COBLL1: variants seen among roughly 807,000 people sequenced by gnomAD.
COBLL1 encodes the protein cordon-bleu protein-like 1.
A neutral mutation model predicts 94.8 loss-of-function variants in COBLL1; 50 were observed. That is an observed-to-expected ratio of 0.53 (90% CI 0.42 to 0.67). COBLL1 has a LOEUF of 0.67. COBLL1 is among the 30% of genes least tolerant of loss of function. The pLI is 0.00. For missense variants in COBLL1, 1,362 were observed against 1,348.7 expected, an observed-to-expected ratio of 1.01 and a Z score of -0.15; for synonymous variants, 448 against 473.8, an observed-to-expected ratio of 0.95 and a Z score of 0.71.
chr2:164,718,980 C>G (rs1200174181), intron 7 of COBLL1, among the ~76,000 whole-genome samples: 1 of 150,670 alleles, frequency 6.6e-6, no homozygotes, highest in Non-Finnish European at 1.5e-5. Context: ...TCTTGGATGC[C>G]CAGAAAAATG....
chr2:164,802,730 T>C (rs1257621558), intron 2 of COBLL1, among the ~76,000 whole-genome samples: 3 of 152,218 alleles, frequency 2.0e-5, no homozygotes, highest in African/African-American at 4.8e-5. Context: ...GAAGTATCAG[T>C]ATTTTGATAC....
chr2:164,811,567 A>G (rs1244647557), intron 2 of COBLL1, among the ~76,000 whole-genome samples: 1 of 151,946 alleles, frequency 6.6e-6, no homozygotes, highest in Non-Finnish European at 1.5e-5. Context: ...AGCATTCTAT[A>G]TTGGATTCCA....
At chr2:164,742,869 GAGCGAGCGAGCGAGCTAAGGTCAAAAC>G (rs1389748343) in intron 3 of COBLL1, among the ~76,000 whole-genome samples, 2 of 151,864 alleles carry the variant, frequency 1.3e-5, no homozygotes, top group Non-Finnish European at 2.9e-5. Context: ...GAGAGAGAGA[GAGCGAGCGAGCGAGCTAAGGTCAAAAC>G]AGCTTAAATT....
At chr2:164,692,441 G>C in intron 12 of COBLL1, 44 bp from the exon 13 acceptor site, 3 of 1,500,998 alleles carry the variant, frequency 2.0e-6, no homozygotes, top group East Asian at 2.3e-5. Flanking sequence ...GCCAAGAAAA[G>C]AATGGGCCAT....
At chr2:164,806,764 A>G (rs1684176739) in intron 2 of COBLL1, among the ~76,000 whole-genome samples, 1 of 152,180 alleles carries the variant, frequency 6.6e-6, no homozygotes, top group Admixed American at 6.5e-5. Flanking sequence ...CAGTGGCACA[A>G]TCACAGCTAA....
At chr2:164,811,162 C>G (rs1684438407) in intron 2 of COBLL1, among the ~76,000 whole-genome samples, 1 of 151,778 alleles carries the variant, frequency 6.6e-6, no homozygotes, top group Admixed American at 6.6e-5. Context: ...TAAGACACAC[C>G]TTAAAACTAT....
At chr2:164,664,114 C>T (rs550804724) in intron 2 of COBLL1, among the ~76,000 whole-genome samples, 1 of 152,236 alleles carries the variant, frequency 6.6e-6, no homozygotes, top group South Asian at 2.1e-4. Flanking sequence ...GCCTATAATG[C>T]AGAGAGGGTA....
intron 2 of COBLL1, among the ~76,000 whole-genome samples, chr2:164,807,918 C>T (rs1684258961): frequency 6.6e-6 from 1 of 152,104 alleles, no homozygotes; most frequent in Admixed American, 6.6e-5. Context: ...CTCCCAGGTT[C>T]AAGCAATTCT....
intron 2 of COBLL1, among the ~76,000 whole-genome samples, chr2:164,760,247 C>A (rs355831): frequency 0.23 from 35,214 of 152,018 alleles, 4,749 homozygotes; most frequent in African/African-American, 0.37. Flanking sequence ...ACATTCAACT[C>A]GGATGGATCT....
intron 7 of COBLL1, among the ~76,000 whole-genome samples, chr2:164,709,504 G>C (rs2105467825): frequency 6.6e-6 from 1 of 152,302 alleles, no homozygotes; most frequent in African/African-American, 2.4e-5. Flanking sequence ...GAATATCTGA[G>C]GACAGGAATT....
chr2:164,841,353 C>G lies in COBLL1; in HGVS notation c.-50-107G>C, dbSNP rs1239984709. 2.5e-6 allele frequency: 3 copies of G among 1,193,396 alleles called. No individual in the cohort carries two copies. The African/African-American group carries it at 4.8e-5, about 19-fold the overall frequency. The allele number at this position is 1,193,396 out of a possible 1,614,324, so 73.9% of individuals were successfully genotyped here. A position where few individuals can be genotyped will look rare whatever the true frequency, so the allele number is the denominator to read the frequency against. ...CCGCCCGAGCCGCTCCAGCCCCGGCCGGCCCGCCTCCCGGGTGCGCTTCCA... is the reference window on the plus strand; with the variant it reads ...CCGCCCGAGCCGCTCCAGCCCCGGCGGGCCCGCCTCCCGGGTGCGCTTCCA... On this transcript the variant is annotated intron_variant, in intron 1 of 13. Transcript: ENST00000652658. The surrounding 1 kb of genome is among the most constrained non-coding windows in gnomAD (Gnocchi z 5.5).
chr2:164,775,269 T>G (rs1291176842), intron 2 of COBLL1, among the ~76,000 whole-genome samples: 2 of 152,128 alleles, frequency 1.3e-5, no homozygotes, highest in African/African-American at 4.8e-5. Context: ...ATATCTTCAT[T>G]AACACCAATG....
chr2:164,677,639 A>G (rs1691360562), downstream of COBLL1, among the ~76,000 whole-genome samples: 1 of 152,144 alleles, frequency 6.6e-6, no homozygotes, highest in South Asian at 2.1e-4. Context: ...GAAAGAGTTG[A>G]TCTCACTAAG....
chr2:164,745,026 G>T (rs946101726), intron 2 of COBLL1, among the ~76,000 whole-genome samples: 2 of 152,126 alleles, frequency 1.3e-5, no homozygotes, highest in African/African-American at 4.8e-5. Flanking sequence ...ATTGGTTTTA[G>T]AAAAATGAAT....
chr2:164,763,878 TG>T (rs1687811133), intron 2 of COBLL1, among the ~76,000 whole-genome samples: 2 of 152,336 alleles, frequency 1.3e-5, no homozygotes, highest in African/African-American at 4.8e-5. Flanking sequence ...AAAGATTAAA[TG>T]TTTTTAAATA....
intron 2 of COBLL1, among the ~76,000 whole-genome samples, chr2:164,763,258 A>T (rs1687776731): frequency 6.6e-6 from 1 of 152,044 alleles, no homozygotes; most frequent in Non-Finnish European, 1.5e-5. Flanking sequence ...TATACTTCGT[A>T]CGTATCAGGT....
intron 3 of COBLL1, among the ~76,000 whole-genome samples, chr2:164,742,908 C>A (rs1442452295): frequency 6.6e-6 from 1 of 151,980 alleles, no homozygotes; most frequent in African/African-American, 2.4e-5. Flanking sequence ...GCTTAAATTT[C>A]TAAAACAGGA....
chr2:164,726,652 A>C (rs1685735541), intron 5 of COBLL1, among the ~76,000 whole-genome samples: 1 of 152,136 alleles, frequency 6.6e-6, no homozygotes, highest in Non-Finnish European at 1.5e-5. Flanking sequence ...TATAAAAGCT[A>C]ATTTCAACAT....
intron 2 of COBLL1, among the ~76,000 whole-genome samples, chr2:164,788,894 G>A (rs1369604321): frequency 6.6e-6 from 1 of 151,328 alleles, no homozygotes; most frequent in Admixed American, 6.6e-5. Context: ...GTACAGAGTA[G>A]TAGAAAAGGG....
Sources: gnomAD v4.1 joint callset for allele counts (sites outside exome capture counted in the v4.1 genomes callset) on GRCh38, gnomAD v4.1.1 for gene constraint, Gnocchi (gnomAD v3.1) non-coding constraint, MANE v1.5 for transcripts, NCBI Gene and HGNC (gene_info 2026-07-23, HGNC 2026-07-21) for gene names.